SZT2: variants seen among roughly 807,000 people sequenced by gnomAD.
SZT2 encodes KICSTOR complex protein SZT2.
In SZT2, 216 loss-of-function variants were observed where a neutral mutation model predicts 404.2. That is an observed-to-expected ratio of 0.53 (90% confidence interval 0.48 to 0.60). The LOEUF (loss-of-function observed/expected upper bound fraction) is 0.60, where lower values mean the gene tolerates loss of function less well. Ranked by LOEUF, SZT2 falls within the 20% of genes least tolerant of loss-of-function variation. SZT2 has a pLI of 0.00. For synonymous variants in SZT2, 1,693 were observed against 1,749.9 expected (o/e 0.97, Z 0.81); for missense variants, 3,857 against 4,459.2 (o/e 0.86, Z 3.85).
At chr1:43,393,711 A>C (rs1465295713) in intron 1 of SZT2, among the ~76,000 whole-genome samples, 1 of 152,214 alleles carries the variant, frequency 6.6e-6, no homozygotes, top group East Asian at 1.9e-4. Flanking sequence ...CAGGCACAAA[A>C]AGACAAAGCA....
chr1:43,446,016 T>C, intron 63 of SZT2, 32 bp downstream of exon 63: 2 of 1,608,948 alleles, frequency 1.2e-6, no homozygotes, highest in Non-Finnish European at 1.7e-6. Context: ...AAGTTACTGA[T>C]GCTAAATTAC....
At position 43,440,069 on chromosome 1, in the gene SZT2, C is replaced by T. The variant is rs779269585; in HGVS notation, c.7210+21C>T. 5 of 1,613,458 alleles carry T rather than the reference C, an allele frequency of 3.1e-6. No individual in the cohort carries two copies. The Admixed American group carries it at 6.7e-5, about 22-fold the overall frequency. ...CACAGGTATGCAAGTCAAGAGGTCC[C>T]TGGGGTCCAGAGAATGTCACAGATC... On this transcript the variant is annotated intron_variant, in intron 51 of 71. Transcript: ENST00000634258.
chr1:43,436,964 G>A (rs1395249295), intron 42 of SZT2: 2 of 612,954 alleles, frequency 3.3e-6, no homozygotes, highest in Admixed American at 3.1e-5. Flanking sequence ...AGATAGTTCT[G>A]GAAGCCTTTG....
intron 12 of SZT2, 83 bp downstream of exon 12, chr1:43,422,308 G>A: frequency 6.6e-7 from 1 of 1,507,916 alleles, no homozygotes; most frequent in Non-Finnish European, 8.9e-7. Context: ...GGGAGCAGCA[G>A]ATGAGCTCTT....
rs2153930181 is a variant in SZT2, at chr1:43,406,616, A to G, written c.498+2066A>G. The G allele has an allele frequency of 1.3e-5, 2 of 152,524 alleles. 1 individual carries two copies. Among genetic ancestry groups the G allele is most frequent in the Middle Eastern group, 6.8e-3 (2 of 294 alleles). The allele number at this position is 152,524 out of a possible 1,614,324, so 9.4% of individuals were successfully genotyped here. Reference sequence around the variant, plus strand: ...GGATGGTAAAGAGGAGACTGTAGACATAAGTGGGAGCTGGTTATGAAAGGC... The same window carrying G: ...GGATGGTAAAGAGGAGACTGTAGACGTAAGTGGGAGCTGGTTATGAAAGGC... On this transcript the variant is annotated intron_variant, in intron 4 of 71. Transcript: ENST00000634258.
intron 4 of SZT2, chr1:43,406,272 T>G: frequency 3.0e-6 from 1 of 331,042 alleles, no homozygotes; most frequent in Non-Finnish European, 5.9e-6. Flanking sequence ...TTTTTTTGTT[T>G]TTTTTGGTAG....
rs751326379 is a variant in SZT2, at chr1:43,443,184, T to G, written c.8420-4T>G. The G allele has an allele frequency of 6.2e-7, 1 of 1,614,082 alleles. No individual in the cohort carries two copies. The highest frequency in any genetic ancestry group is 8.5e-7 in the Non-Finnish European group (1 of 1,180,006). Reference sequence around the variant, plus strand: ...GGGCTACTACTAATGCCCTCAACCCTCAGAGCTGGAGCGCCAGATGAAGAT... The same window carrying G: ...GGGCTACTACTAATGCCCTCAACCCGCAGAGCTGGAGCGCCAGATGAAGAT... On this transcript the variant is annotated splice_region_variant and splice_polypyrimidine_tract_variant and intron_variant, in intron 59 of 71. Coordinates refer to ENST00000634258, the MANE Select transcript of SZT2 (RefSeq NM_001365999.1).
rs912967264 is a variant in SZT2, at chr1:43,447,293, C to T, written c.9286+125C>T. The T allele has an allele frequency of 7.7e-6, 9 of 1,169,930 alleles. No homozygotes were observed. The African/African-American group carries it at 1.4e-4, about 18-fold the overall frequency. 72.5% of individuals were successfully genotyped at this position (1,169,930 alleles called of 1,614,324 possible). On this transcript the variant is annotated intron_variant, in intron 66 of 71. Transcript: ENST00000634258. ...ATGTTGTTAATCATCTCATGTCACA[C>T]ATACCACGTCCCCATGTTTCTGTCC... is the stretch of plus-strand genomic sequence containing the variant.
Position 43,445,992 on chromosome 1 carries a change from G to A in SZT2, c.8916+8G>A, listed in dbSNP as rs147419780. On this transcript the variant is annotated splice_region_variant and intron_variant, in intron 63 of 71. Transcript: ENST00000634258. ...ACTGATGGGAGCCCCAAGGTAACTT[G>A]TCATATAATGGTAAAGTTACTGATG... 1.3e-4 allele frequency: 217 copies of A among 1,613,566 alleles called. 1 individual carries two copies. In the African/African-American group the frequency reaches 2.6e-3, roughly 20 times the overall value.
At chr1:43,406,091 G>C (rs943123246) in intron 4 of SZT2, 1 of 158,526 alleles carries the variant, frequency 6.3e-6, no homozygotes, top group African/African-American at 2.4e-5. Context: ...AGCAGCATTT[G>C]TTTTTCATGT....
At chr1:43,400,299 A>G (rs1314180618) in intron 1 of SZT2, among the ~76,000 whole-genome samples, 1 of 152,150 alleles carries the variant, frequency 6.6e-6, no homozygotes, top group Non-Finnish European at 1.5e-5. Flanking sequence ...ACATATTGAT[A>G]TTTAAATTCT....
intron 46 of SZT2, among the ~76,000 whole-genome samples, 181 bp from the exon 47 acceptor site, chr1:43,438,518 A>G (rs1448678030): frequency 2.6e-5 from 4 of 152,204 alleles, no homozygotes; most frequent in African/African-American, 9.7e-5. Context: ...TCAAGTGTCC[A>G]TAGTGACATA....
intron 5 of SZT2, 37 bp from the exon 6 acceptor site, chr1:43,415,923 A>G (rs1445746173): frequency 6.3e-7 from 1 of 1,576,700 alleles, no homozygotes; most frequent in Non-Finnish European, 8.6e-7. Flanking sequence ...CAGCAATGCC[A>G]TCTGCCCCAT....
intron 4 of SZT2, chr1:43,404,814 G>T: frequency 2.9e-6 from 1 of 346,032 alleles, no homozygotes; most frequent in Non-Finnish European, 5.2e-6. Flanking sequence ...AAATCTCTTT[G>T]ATTCTGACCA....
intron 63 of SZT2, 34 bp from the exon 64 acceptor site, chr1:43,446,145 C>T: frequency 6.2e-7 from 1 of 1,612,494 alleles, no homozygotes; most frequent in Non-Finnish European, 8.5e-7. Context: ...GGCTGGTGAG[C>T]CCCCAAACCT....
intron 4 of SZT2, 165 bp downstream of exon 4, chr1:43,404,715 G>C (rs746223184): frequency 1.0e-4 from 68 of 661,050 alleles, no homozygotes; most frequent in Non-Finnish European, 1.5e-4. Context: ...TCCTTGAGAA[G>C]AACCAGTTCC....
Position 43,450,720 on chromosome 1 carries a change from C to T in SZT2, c.*240C>T. On this transcript the variant is annotated 3_prime_UTR_variant, in exon 72 of 72. Transcript: ENST00000634258. The surrounding 1 kb of genome is among the most constrained non-coding windows in gnomAD (Gnocchi z 4.3). ...AGGACTCCAGAGAGTCAGGTCAACC[C>T]CGAGGACCCCTTGGGCCCTTCTGGG... 1.4e-6 allele frequency: 1 copy of T among 707,434 alleles called. No homozygotes were observed. Among genetic ancestry groups the T allele is most frequent in the Non-Finnish European group, 2.5e-6 (1 of 402,776 alleles). The allele number at this position is 707,434 out of a possible 1,614,324, so 43.8% of individuals were successfully genotyped here. A position where few individuals can be genotyped will look rare whatever the true frequency, so the allele number is the denominator to read the frequency against.
intron 2 of SZT2, 88 bp downstream of exon 2, chr1:43,403,390 A>G: frequency 6.5e-7 from 1 of 1,527,148 alleles, no homozygotes; most frequent in South Asian, 1.3e-5. Context: ...AGGGTGGGAG[A>G]CTAACTCTTA....
At chr1:43,414,955 C>G in intron 4 of SZT2, 127 bp from the exon 5 acceptor site, 1 of 1,244,380 alleles carries the variant, frequency 8.0e-7, no homozygotes. Flanking sequence ...GGAGTCATAC[C>G]TTAGACCCTG....
Sources: allele counts gnomAD v4.1 joint callset (sites outside exome capture counted in the v4.1 genomes callset), GRCh38; gene constraint gnomAD v4.1.1; non-coding constraint Gnocchi (gnomAD v3.1); transcripts MANE v1.5; gene names NCBI Gene and HGNC (gene_info 2026-07-23, HGNC 2026-07-21).